KCTD8: variants seen among roughly 807,000 people sequenced by gnomAD.
KCTD8 encodes potassium channel tetramerization domain containing 8.
KCTD8 carries 27 observed loss-of-function variants against 31.5 expected under a neutral mutation model. That is an observed-to-expected ratio of 0.86 (90% CI 0.63 to 1.18). KCTD8 has a LOEUF of 1.18. KCTD8 is among the 50% of genes most tolerant of loss of function. KCTD8 has a pLI of 0.00. For synonymous variants in KCTD8, 290 were observed against 280.0 expected (o/e 1.04, Z -0.36); for missense variants, 658 against 647.7 (o/e 1.02, Z -0.17).
chr4:44,290,532 C>T (rs1717240410), intron 1 of KCTD8, among the ~76,000 whole-genome samples: 1 of 152,154 alleles, frequency 6.6e-6, no homozygotes, highest in Admixed American at 6.6e-5. Flanking sequence ...GCACCCAGAA[C>T]ATGTCCAAAG....
intron 1 of KCTD8, among the ~76,000 whole-genome samples, chr4:44,428,418 T>C (rs1721398114): frequency 1.3e-5 from 2 of 151,632 alleles, no homozygotes; most frequent in African/African-American, 4.8e-5. Context: ...TAATTTTGCC[T>C]CCAGTCAATT....
At chr4:44,343,643 C>T (rs1718963320) in intron 1 of KCTD8, among the ~76,000 whole-genome samples, 4 of 152,018 alleles carry the variant, frequency 2.6e-5, no homozygotes, top group Admixed American at 1.3e-4. Flanking sequence ...TAAAATGAGT[C>T]ATTCCTGAAT....
At chr4:44,260,579 G>A (rs570518504) in intron 1 of KCTD8, among the ~76,000 whole-genome samples, 2 of 151,990 alleles carry the variant, frequency 1.3e-5, no homozygotes, top group South Asian at 2.1e-4. Context: ...AGGCATGAAC[G>A]AAATGAGAGT....
intron 1 of KCTD8, among the ~76,000 whole-genome samples, chr4:44,197,266 C>A (rs1713974262): frequency 6.6e-6 from 1 of 152,148 alleles, no homozygotes; most frequent in South Asian, 2.1e-4. Flanking sequence ...GTATGCCTCC[C>A]TCCACAGGGC....
intron 1 of KCTD8, among the ~76,000 whole-genome samples, chr4:44,387,099 A>T (rs1036097425): frequency 6.6e-6 from 1 of 151,836 alleles, no homozygotes; most frequent in Admixed American, 6.6e-5. Flanking sequence ...CTAAAAGCAA[A>T]ATCATGAACA....
intron 1 of KCTD8, among the ~76,000 whole-genome samples, chr4:44,350,212 T>C (rs923727667): frequency 2.6e-5 from 4 of 152,186 alleles, no homozygotes; most frequent in Non-Finnish European, 2.9e-5. Flanking sequence ...TTAACACTGA[T>C]ACCTTTCAAA....
chr4:44,285,393 G>A (rs1717033662), intron 1 of KCTD8, among the ~76,000 whole-genome samples: 1 of 151,950 alleles, frequency 6.6e-6, no homozygotes, highest in Admixed American at 6.6e-5. Flanking sequence ...AACACCATAT[G>A]TTCTCACTCA....
At chr4:44,262,166 T>G (rs1398704048) in intron 1 of KCTD8, among the ~76,000 whole-genome samples, 1 of 152,100 alleles carries the variant, frequency 6.6e-6, no homozygotes, top group Non-Finnish European at 1.5e-5. Context: ...CCACTGGGTT[T>G]CACAATAAGA....
chr4:44,402,449 A>C (rs938476950), intron 1 of KCTD8, among the ~76,000 whole-genome samples: 1 of 152,158 alleles, frequency 6.6e-6, no homozygotes, highest in Non-Finnish European at 1.5e-5. Context: ...GAAGAAATAA[A>C]AGTGCATAAT....
chr4:44,181,145 ATCCCTC>A (rs553861288), intron 1 of KCTD8, among the ~76,000 whole-genome samples: 135 of 148,638 alleles, frequency 9.1e-4, no homozygotes, highest in African/African-American at 3.0e-3. Context: ...AACCTACTAG[ATCCCTC>A]TCCCTCTCCC....
At chr4:44,401,729 T>C (rs1720670522) in intron 1 of KCTD8, among the ~76,000 whole-genome samples, 1 of 152,188 alleles carries the variant, frequency 6.6e-6, no homozygotes, top group African/African-American at 2.4e-5. Context: ...ACACAGGACA[T>C]AGGACATACT....
chr4:44,265,955 T>C (rs959787559), intron 1 of KCTD8, among the ~76,000 whole-genome samples: 6 of 152,036 alleles, frequency 3.9e-5, no homozygotes, highest in African/African-American at 1.4e-4. Context: ...TGGAACCAAG[T>C]TGGAAAACAC....
chr4:44,243,609 G>C (rs1715568138), intron 1 of KCTD8, among the ~76,000 whole-genome samples: 11 of 152,284 alleles, frequency 7.2e-5, no homozygotes, highest in Admixed American at 6.5e-4. Flanking sequence ...AAGTCATTTG[G>C]TGTTCACAAC....
chr4:44,334,758 T>C (rs925941574), intron 1 of KCTD8, among the ~76,000 whole-genome samples: 2 of 152,026 alleles, frequency 1.3e-5, no homozygotes, highest in African/African-American at 4.8e-5. Flanking sequence ...ATTAGAACCA[T>C]AAATATTAGG....
chr4:44,195,343 G>A (rs941197314), intron 1 of KCTD8, among the ~76,000 whole-genome samples: 4 of 152,118 alleles, frequency 2.6e-5, no homozygotes, highest in Non-Finnish European at 4.4e-5. Context: ...TGGCATTAGA[G>A]AATTACAAAA....
At chr4:44,310,268 C>T (rs372003952) in intron 1 of KCTD8, among the ~76,000 whole-genome samples, 15 of 152,088 alleles carry the variant, frequency 9.9e-5, no homozygotes, top group Admixed American at 3.3e-4. Flanking sequence ...GGGGACTTCA[C>T]GCATAATCTA....
chr4:44,331,423 T>C (rs949441738), intron 1 of KCTD8, among the ~76,000 whole-genome samples: 2 of 151,758 alleles, frequency 1.3e-5, no homozygotes, highest in African/African-American at 4.8e-5. Flanking sequence ...TTGGAAAATA[T>C]GTCTGCCCTA....
In KCTD8 at chr4:44,431,196, T is replaced by C. The variant is rs58782530; in HGVS notation, c.961+16367A>G. On this transcript the variant is annotated intron_variant, in intron 1 of 1. Transcript: ENST00000360029. ...AAATTAATAAACTATTTTAGAGCAG[T>C]TCACAGCAAAACTGAATAGAAAGTA... Among the ~76,000 whole-genome samples, 197 of 151,734 alleles carry C rather than the reference T, an allele frequency of 1.3e-3. 5 individuals carry two copies. The East Asian group carries it at 0.036, about 28-fold the overall frequency.
At chr4:44,256,206 C>T (rs1715986295) in intron 1 of KCTD8, among the ~76,000 whole-genome samples, 1 of 151,848 alleles carries the variant, frequency 6.6e-6, no homozygotes, top group African/African-American at 2.4e-5. Flanking sequence ...ATTATGAGAG[C>T]TACAAGTCAA....
Sources: gnomAD v4.1 joint callset for allele counts (sites outside exome capture counted in the v4.1 genomes callset) on GRCh38, gnomAD v4.1.1 for gene constraint, MANE v1.5 for transcripts, NCBI Gene and HGNC (gene_info 2026-07-23, HGNC 2026-07-21) for gene names.